The following PIK3R3 variants were observed in gnomAD, a reference collection of about 807,000 sequenced individuals.
The protein encoded by PIK3R3 is phosphoinositide-3-kinase regulatory subunit 3, also known as phosphatidylinositol 3-kinase regulatory subunit gamma.
In PIK3R3, 64 loss-of-function variants were observed where a neutral mutation model predicts 62.9. That is an observed-to-expected ratio of 1.02 (90% CI 0.83 to 1.25). The LOEUF is 1.25. PIK3R3 is among the 50% of genes most tolerant of loss of function. The pLI is 0.00. For synonymous variants in PIK3R3, 165 were observed against 189.0 expected (o/e 0.87, Z 1.04); for missense variants, 614 against 561.6 (o/e 1.09, Z -0.94).
upstream of PIK3R3, among the ~76,000 whole-genome samples, chr1:46,135,439 A>C (rs1655893947): frequency 6.6e-6 from 1 of 152,210 alleles, no homozygotes; most frequent in South Asian, 2.1e-4. Flanking sequence ...GTTTATAGTG[A>C]AACACTTAGA....
chr1:46,159,889 C>T, the PIK3R3 span, among the ~76,000 whole-genome samples: 1 of 152,060 alleles, frequency 6.6e-6, no homozygotes. Flanking sequence ...TCTGCTATGC[C>T]GTGTTGTTTT....
intron 1 of PIK3R3, among the ~76,000 whole-genome samples, chr1:46,110,809 C>G (rs1472815346): frequency 1.3e-5 from 2 of 149,008 alleles, no homozygotes; most frequent in Non-Finnish European, 3.0e-5. Context: ...TGGAATTTTA[C>G]TGAGACACAA....
At chr1:46,050,252 A>G (rs753564621) in intron 7 of PIK3R3, among the ~76,000 whole-genome samples, 4 of 152,050 alleles carry the variant, frequency 2.6e-5, no homozygotes, top group Non-Finnish European at 4.4e-5. Flanking sequence ...ACTTATAAAA[A>G]TTTAGTTATC....
chr1:46,054,643 C>T (rs1035299872), intron 7 of PIK3R3, among the ~76,000 whole-genome samples: 2 of 152,216 alleles, frequency 1.3e-5, no homozygotes, highest in Admixed American at 1.3e-4. Context: ...CTATTCGTTA[C>T]CCAGAACTAA....
intron 1 of PIK3R3, among the ~76,000 whole-genome samples, chr1:46,108,914 C>G (rs1205522631): frequency 6.6e-6 from 1 of 152,218 alleles, no homozygotes; most frequent in Admixed American, 6.5e-5. Context: ...AATCCCAGCA[C>G]TTTGGGAGGC....
At position 46,041,769 on chromosome 1, in the gene PIK3R3, G is replaced by A. The variant is rs1369581653; in HGVS notation, c.*1904C>T. ...GCTGGCTATTAGTTAAATGACTTTAGAGGGGGGTTCATTTGTCTCTGTCTC... is the reference window on the plus strand; with the variant it reads ...GCTGGCTATTAGTTAAATGACTTTAAAGGGGGGTTCATTTGTCTCTGTCTC... On this transcript the variant is annotated 3_prime_UTR_variant, in exon 10 of 10. Transcript: ENST00000262741. 2 of 206,044 alleles carry A rather than the reference G, an allele frequency of 9.7e-6. No homozygotes were observed. Among genetic ancestry groups the A allele is most frequent in the African/African-American group, 2.3e-5 (1 of 43,844 alleles). 12.8% of individuals were successfully genotyped at this position (206,044 alleles called of 1,614,324 possible).
At chr1:46,099,155 A>G (rs796296866) in intron 1 of PIK3R3, among the ~76,000 whole-genome samples, 5 of 152,306 alleles carry the variant, frequency 3.3e-5, no homozygotes, top group African/African-American at 1.2e-4. Context: ...CATGTGAATT[A>G]TATCATAACA....
intron 1 of PIK3R3, among the ~76,000 whole-genome samples, chr1:46,110,056 T>A (rs1653593360): frequency 6.6e-6 from 1 of 151,898 alleles, no homozygotes; most frequent in African/African-American, 2.4e-5. Flanking sequence ...TTTGCACATA[T>A]CCTGTACCTC....
chr1:46,116,193 CA>C (rs1654171267), intron 1 of PIK3R3, among the ~76,000 whole-genome samples: 2 of 152,000 alleles, frequency 1.3e-5, no homozygotes, highest in Admixed American at 1.3e-4. Context: ...AGATGAGCCA[CA>C]AAGCATCCCA....
chr1:46,138,956 G>A, the PIK3R3 span: 2 of 152,090 alleles, frequency 1.3e-5, no homozygotes, highest in Admixed American at 6.6e-5. Flanking sequence ...AACTTCATTC[G>A]GGACCCTATT....
chr1:46,060,375 A>C (rs1648370939), intron 6 of PIK3R3, among the ~76,000 whole-genome samples: 1 of 151,898 alleles, frequency 6.6e-6, no homozygotes, highest in African/African-American at 2.4e-5. Context: ...CTGTAATCCC[A>C]GCGACTCAGG....
At chr1:46,094,052 G>A (rs1227119151) in intron 1 of PIK3R3, among the ~76,000 whole-genome samples, 6 of 151,248 alleles carry the variant, frequency 4.0e-5, no homozygotes, top group Non-Finnish European at 8.8e-5. Flanking sequence ...CTGGGCAACA[G>A]AGTGAGACCC....
chr1:46,108,378 G>A (rs1461249279), intron 1 of PIK3R3, among the ~76,000 whole-genome samples: 1 of 152,140 alleles, frequency 6.6e-6, no homozygotes, highest in African/African-American at 2.4e-5. Flanking sequence ...CAATCCAACT[G>A]CCTGCTTCCT....
the PIK3R3 span, among the ~76,000 whole-genome samples, chr1:46,157,187 G>A: frequency 3.9e-5 from 6 of 152,206 alleles, no homozygotes; most frequent in African/African-American, 1.4e-4. Context: ...AGGCTGGAGT[G>A]CAGTGGTGTA....
upstream of PIK3R3, chr1:46,132,992 C>T (rs530698254): frequency 1.9e-6 from 2 of 1,076,264 alleles, no homozygotes; most frequent in South Asian, 2.3e-5. Flanking sequence ...GGGAGTGGGG[C>T]GAGGGAAGAG....
the PIK3R3 span, among the ~76,000 whole-genome samples, chr1:46,140,841 T>C: frequency 6.6e-6 from 1 of 151,860 alleles, no homozygotes; most frequent in African/African-American, 2.4e-5. Context: ...CTTTGTTTTT[T>C]GTTTTTTTGT....
chr1:46,066,077 C>T lies in PIK3R3; in HGVS notation c.598G>A (p.Glu200Lys). ...ACCTGGGATGTTCTAGTATATTCTTCATACAGCCTATCATACTCTTTACTC... is the reference window on the plus strand; with the variant it reads ...ACCTGGGATGTTCTAGTATATTCTTTATACAGCCTATCATACTCTTTACTC... ...EKSKEYDRLY[E>K]EYTRTSQEIQ... The change falls in exon 5 of 10, where the codon GAA becomes AAA. Residue 200 changes from glutamate to lysine, a missense_variant. By Grantham distance (56) the Glu-to-Lys change is moderately conservative. Coordinates refer to ENST00000262741, the MANE Select transcript of PIK3R3 (RefSeq NM_003629.4). 1 of 1,609,032 alleles carries T rather than the reference C, an allele frequency of 6.2e-7. No homozygotes were observed. Among genetic ancestry groups the T allele is most frequent in the Non-Finnish European group, 8.5e-7 (1 of 1,175,826 alleles).
chr1:46,158,878 G>A, the PIK3R3 span, among the ~76,000 whole-genome samples: 3 of 152,128 alleles, frequency 2.0e-5, no homozygotes, highest in Non-Finnish European at 4.4e-5. Context: ...ACGAGGTCAG[G>A]AGTTCGAGAC....
chr1:46,069,837 G>C (rs899453447), intron 3 of PIK3R3, among the ~76,000 whole-genome samples: 3 of 152,174 alleles, frequency 2.0e-5, no homozygotes, highest in African/African-American at 2.4e-5. Context: ...GAAGTGAGAG[G>C]AGAACTAAGA....
Sources: gnomAD v4.1 joint callset for allele counts (sites outside exome capture counted in the v4.1 genomes callset) on GRCh38, gnomAD v4.1.1 for gene constraint, MANE v1.5 for transcripts, NCBI Gene and HGNC (gene_info 2026-07-23, HGNC 2026-07-21) for gene names.